LRBA: variants seen among roughly 807,000 people sequenced by gnomAD.
LRBA encodes the protein LPS responsive beige-like anchor protein, also known as lipopolysaccharide-responsive and beige-like anchor protein.
A neutral mutation model predicts 330.0 loss-of-function variants in LRBA; 176 were observed. The ratio of observed to expected loss-of-function variants is 0.53; its 90% CI spans 0.47 to 0.60. The LOEUF is 0.60. LRBA is among the 20% of genes least tolerant of loss of function. The pLI is 0.00. For missense variants in LRBA, 3,259 were observed against 3,444.8 expected (o/e 0.95, Z 1.35); for synonymous variants, 1,230 against 1,193.0 (o/e 1.03, Z -0.64).
chr4:150,268,346 C>T (rs539573871), intron 56 of LRBA, among the ~76,000 whole-genome samples: 33 of 152,278 alleles, frequency 2.2e-4, no homozygotes, highest in Admixed American at 1.4e-3. Context: ...TTCTACCAAA[C>T]ATTTAAAGAA....
In LRBA at chr4:150,852,119, G is replaced by A. The variant is rs766474483; in HGVS notation, c.3591C>T (p.Ser1197=). Residue 1197 remains serine, a synonymous_variant, in exon 23 of 57, where the codon TCC becomes TCT. Coordinates refer to ENST00000651943, the MANE Select transcript of LRBA (RefSeq NM_001364905.1). ...CAAGGTCTGATTCTACAGCTATTTG[G>A]GAAACAGTAGTTTCTGGTGACATAG... is the stretch of plus-strand genomic sequence containing the variant. ...SSAMSPETTV[S]QIAVESDLGQ... 22 of 1,613,886 alleles carry A rather than the reference G, an allele frequency of 1.4e-5. No individual in the cohort carries two copies. The highest frequency in any genetic ancestry group is 1.7e-5 in the Admixed American group (1 of 59,982).
intron 47 of LRBA, among the ~76,000 whole-genome samples, chr4:150,385,013 GA>G (rs904396097): frequency 4.6e-5 from 7 of 152,224 alleles, no homozygotes; most frequent in African/African-American, 1.7e-4. Context: ...AGTTAGCTAA[GA>G]ATGCCTAAAA....
At chr4:150,305,069 A>C (rs574687988) in intron 52 of LRBA, among the ~76,000 whole-genome samples, 1 of 152,296 alleles carries the variant, frequency 6.6e-6, no homozygotes, top group East Asian at 1.9e-4. Flanking sequence ...GAAACCCAAC[A>C]ATCAGTGGGT....
At chr4:150,348,293 C>G (rs1736680581) in intron 48 of LRBA, among the ~76,000 whole-genome samples, 1 of 152,066 alleles carries the variant, frequency 6.6e-6, no homozygotes, top group African/African-American at 2.4e-5. Context: ...AGATATAGGC[C>G]AAGTGACATT....
At chr4:150,552,185 C>T (rs963753890) in intron 40 of LRBA, among the ~76,000 whole-genome samples, 4 of 152,132 alleles carry the variant, frequency 2.6e-5, no homozygotes, top group Admixed American at 6.5e-5. Flanking sequence ...CAGTTCCTGA[C>T]AGGGAAACTG....
intron 37 of LRBA, among the ~76,000 whole-genome samples, chr4:150,645,895 C>G (rs1779086152): frequency 1.6e-5 from 2 of 124,810 alleles, no homozygotes; most frequent in Middle Eastern, 9.2e-3. Flanking sequence ...ACCCGCCCCC[C>G]TCCCAAGAAA....
chr4:150,652,030 G>C (rs1486670096), intron 37 of LRBA, among the ~76,000 whole-genome samples: 8 of 152,088 alleles, frequency 5.3e-5, no homozygotes, highest in African/African-American at 1.9e-4. Flanking sequence ...TTTTTGTAGA[G>C]ATGGGGTTTT....
chr4:150,928,503 T>A lies in LRBA; in HGVS notation c.549+13A>T. 6.4e-7 allele frequency: 1 copy of A among 1,574,360 alleles called. No individual in the cohort carries two copies. Among genetic ancestry groups the A allele is most frequent in the Non-Finnish European group, 8.7e-7 (1 of 1,146,702 alleles). On this transcript the variant is annotated intron_variant, in intron 4 of 56. Coordinates refer to ENST00000651943, the MANE Select transcript of LRBA (RefSeq NM_001364905.1). ...ATACTTTAAAATACCAAAGAGTACTTAAGTTTTTTTACCCATCGTCCTTTA... is the reference window on the plus strand; with the variant it reads ...ATACTTTAAAATACCAAAGAGTACTAAAGTTTTTTTACCCATCGTCCTTTA...
At chr4:150,266,488 G>A (rs1433257708) in intron 56 of LRBA, among the ~76,000 whole-genome samples, 1 of 151,610 alleles carries the variant, frequency 6.6e-6, no homozygotes, top group African/African-American at 2.4e-5. Context: ...GAACATAGGT[G>A]AACCTAAACT....
chr4:150,813,153 G>A (rs1744019852), intron 31 of LRBA, among the ~76,000 whole-genome samples: 1 of 99,178 alleles, frequency 1.0e-5, no homozygotes, highest in South Asian at 3.3e-4. Context: ...GACAGACCCT[G>A]TCTCAATTAA....
intron 2 of LRBA, among the ~76,000 whole-genome samples, chr4:150,939,237 T>C (rs1035747636): frequency 6.6e-6 from 1 of 152,186 alleles, no homozygotes; most frequent in Non-Finnish European, 1.5e-5. Context: ...TGTGATCTTA[T>C]TTGGAAATAG....
chr4:150,677,849 G>A (rs2126892190), intron 37 of LRBA, among the ~76,000 whole-genome samples: 1 of 117,884 alleles, frequency 8.5e-6, no homozygotes, highest in East Asian at 2.4e-4. Context: ...AGAGAAAAGT[G>A]TATAGTTCTC....
Position 150,332,561 on chromosome 4 carries a change from T to C in LRBA, c.7363-6663A>G, listed in dbSNP as rs139100906. Among the ~76,000 whole-genome samples, 621 of 152,318 alleles carry C rather than the reference T, an allele frequency of 4.1e-3. 1 individual carries two copies. Among genetic ancestry groups the C allele is most frequent in the Non-Finnish European group, 7.1e-3 (480 of 68,024 alleles). The stretch of plus-strand genomic sequence containing the variant: ...TAAATATTTACCCAGTGAATGTCCA[T>C]GCAAATCAACTTAATTTAGGAGGGA... On this transcript the variant is annotated intron_variant, in intron 48 of 56. Transcript: ENST00000651943.
intron 51 of LRBA, among the ~76,000 whole-genome samples, chr4:150,313,488 A>G (rs561260503): frequency 1.4e-4 from 22 of 152,244 alleles, no homozygotes; most frequent in African/African-American, 5.3e-4. Context: ...GGTTTTAAAT[A>G]ATTCTTTTAG....
chr4:150,337,642 C>T (rs1040716441), intron 48 of LRBA, among the ~76,000 whole-genome samples: 1 of 152,148 alleles, frequency 6.6e-6, no homozygotes, highest in African/African-American at 2.4e-5. Flanking sequence ...ATCTGTGTAA[C>T]ACACTTTTGG....
Position 150,538,273 on chromosome 4 carries a change from A to G in LRBA, c.6331-47238T>C, listed in dbSNP as rs373726783. Among the ~76,000 whole-genome samples the G allele has an allele frequency of 8.5e-5, 13 of 152,342 alleles. No homozygotes were observed. The East Asian group carries it at 1.9e-3, about 23-fold the overall frequency. ...AACAGAACTACCATTTGACCCAGCA[A>G]TCCCATTGCTGGATATATACTCTAA... On this transcript the variant is annotated intron_variant, in intron 40 of 56. Coordinates refer to ENST00000651943, the MANE Select transcript of LRBA (RefSeq NM_001364905.1).
intron 47 of LRBA, among the ~76,000 whole-genome samples, chr4:150,354,835 A>G (rs1737619799): frequency 6.6e-6 from 1 of 152,112 alleles, no homozygotes; most frequent in African/African-American, 2.4e-5. Context: ...TTTGTTCTGC[A>G]TACAGAATAT....
At chr4:150,682,320 C>T (rs1426746324) in intron 37 of LRBA, among the ~76,000 whole-genome samples, 2 of 152,106 alleles carry the variant, frequency 1.3e-5, no homozygotes, top group Non-Finnish European at 2.9e-5. Flanking sequence ...GATAAGGCAC[C>T]AGAGATCACT....
intron 41 of LRBA, among the ~76,000 whole-genome samples, chr4:150,489,303 T>TACATATACGA (rs1491090719): frequency 5.1e-5 from 3 of 59,342 alleles, no homozygotes; most frequent in South Asian, 1.3e-3. Context: ...TATAATATAT[T>TACATATACGA]ATATATAAGA....
Sources: allele counts gnomAD v4.1 joint callset (sites outside exome capture counted in the v4.1 genomes callset), GRCh38; gene constraint gnomAD v4.1.1; transcripts MANE v1.5; gene names NCBI Gene and HGNC (gene_info 2026-07-23, HGNC 2026-07-21).